Variants in SHLD2 observed in about 807,000 individuals in gnomAD.
SHLD2 encodes RINN1-REV7-interacting novel NHEJ regulator 2.
Under a neutral mutation model 73.2 loss-of-function variants are expected in SHLD2, and 30 were observed. The ratio of observed to expected loss-of-function variants is 0.41; its 90% CI spans 0.31 to 0.56. The LOEUF (loss-of-function observed/expected upper bound fraction) is 0.56, where lower values mean the gene tolerates loss of function less well. SHLD2 is among the 20% of genes least tolerant of loss of function. The pLI, the probability that SHLD2 is intolerant of heterozygous loss-of-function variation, is 0.28. For missense variants in SHLD2, 745 were observed against 1,055.9 expected (o/e 0.71, Z 4.08); for synonymous variants, 285 against 370.1 (o/e 0.77, Z 2.64).
At chr10:87,096,725 T>A (rs1243213625) in intron 1 of SHLD2, among the ~76,000 whole-genome samples, 1 of 152,252 alleles carries the variant, frequency 6.6e-6, no homozygotes, top group East Asian at 1.9e-4. Context: ...TATGTTCATG[T>A]TATTCATCTT....
In SHLD2 at chr10:87,190,645, C is replaced by G. The variant is rs768796069; in HGVS notation, c.2677C>G (p.Pro893Ala). The G allele has an allele frequency of 3.7e-6, 6 of 1,611,928 alleles. No homozygotes were observed. Among genetic ancestry groups the G allele is most frequent in the Non-Finnish European group, 5.1e-6 (6 of 1,179,824 alleles). ...AGATTTCTCCCTCCTGGATTTTTAT[C>G]CTGACATTGTAAAGCATGGAGCCAA... ...QQDFSLLDFY[P>A]DIVKHGANAR... The change falls in exon 10 of 10, where the codon CCT (proline) becomes GCT (alanine). Residue 893 changes from proline to alanine, a missense_variant. This residue lies in a region of SHLD2 where 418 missense variants were observed against 567.8 expected (regional missense o/e 0.74). Transcript: ENST00000298786.
intron 2 of SHLD2, among the ~76,000 whole-genome samples, chr10:87,147,876 T>C (rs1298716565): frequency 6.6e-6 from 1 of 151,962 alleles, no homozygotes; most frequent in East Asian, 1.9e-4. Flanking sequence ...ATCACTTTTT[T>C]TTTTTTTTTG....
intron 6 of SHLD2, among the ~76,000 whole-genome samples, chr10:87,172,624 C>T (rs994942255): frequency 5.9e-5 from 9 of 151,762 alleles, no homozygotes; most frequent in African/African-American, 1.9e-4. Flanking sequence ...GGGTGGATTG[C>T]TTGAGCCCAG....
intron 2 of SHLD2, among the ~76,000 whole-genome samples, chr10:87,137,509 G>A (rs1372799079): frequency 6.6e-6 from 1 of 151,922 alleles, no homozygotes. Context: ...AAGACAGATT[G>A]GAAAGAGAAA....
At chr10:87,095,344 C>T (rs1009851606) in intron 1 of SHLD2, 96 bp downstream of exon 1, 3 of 151,886 alleles carry the variant, frequency 2.0e-5, no homozygotes, top group East Asian at 2.0e-4. Flanking sequence ...GAGGCCGAGT[C>T]CCCCCGAGCG....
intron 2 of SHLD2, among the ~76,000 whole-genome samples, chr10:87,134,807 A>G (rs554129915): frequency 7.2e-5 from 11 of 152,272 alleles, no homozygotes; most frequent in Non-Finnish European, 1.6e-4. Context: ...ACAGGGCAGA[A>G]GAGGTGAGTG....
intron 2 of SHLD2, among the ~76,000 whole-genome samples, chr10:87,142,023 T>A: frequency 7.8e-6 from 1 of 128,728 alleles, no homozygotes; most frequent in African/African-American, 2.8e-5. Context: ...AGAGCAAGAC[T>A]CCATCTCAAA....
chr10:87,094,945 G>C (rs1367761556), upstream of SHLD2: 1 of 320,114 alleles, frequency 3.1e-6, no homozygotes, highest in Non-Finnish European at 5.6e-6. This position sits in a 1 kb window ranked among gnomAD's most constrained non-coding sequence, Gnocchi z 6.6. Flanking sequence ...GACGGACTTC[G>C]GGGACAGGGC....
chr10:87,141,338 T>G (rs1157336933), intron 2 of SHLD2, among the ~76,000 whole-genome samples: 14 of 63,210 alleles, frequency 2.2e-4, no homozygotes, highest in Non-Finnish European at 3.7e-4. Context: ...GTGTTCGGTG[T>G]TTTTTTTTTT....
chr10:87,112,277 C>T (rs1291278939), intron 2 of SHLD2, among the ~76,000 whole-genome samples: 1 of 148,448 alleles, frequency 6.7e-6, no homozygotes, highest in African/African-American at 2.5e-5. Context: ...AGAGATATGT[C>T]TCCAAAGAAA....
intron 4 of SHLD2, among the ~76,000 whole-genome samples, chr10:87,160,084 A>G (rs1346900363): frequency 2.6e-5 from 4 of 152,046 alleles, no homozygotes; most frequent in Non-Finnish European, 5.9e-5. Flanking sequence ...GCTTCTCCCA[A>G]TGGTGATATC....
intron 2 of SHLD2, among the ~76,000 whole-genome samples, chr10:87,147,809 C>T (rs1169306352): frequency 2.0e-5 from 3 of 152,074 alleles, no homozygotes; most frequent in East Asian, 3.9e-4. Context: ...TTGAACTGCC[C>T]CAGGCTTCTC....
In SHLD2 at chr10:87,166,950, A is replaced by AGTGTGTGT. The variant is rs10602407; in HGVS notation, c.1634-3503_1634-3496dup. Among the ~76,000 whole-genome samples, 407 of 126,292 alleles carry AGTGTGTGT rather than the reference A, an allele frequency of 3.2e-3. 2 individuals carry two copies. Among genetic ancestry groups the AGTGTGTGT allele is most frequent in the African/African-American group, 6.2e-3 (228 of 36,636 alleles). The allele number at this position is 126,292 out of a possible 152,430, so 82.9% of individuals were successfully genotyped here. Reference sequence around the variant, plus strand: ...TATTTGAAGGTGTTACATTTTGGAAAGTGTGTGTGTGTGTGTGTGTGTGTG... The same window carrying AGTGTGTGT: ...TATTTGAAGGTGTTACATTTTGGAAAGTGTGTGTGTGTGTGTGTGTGTGTGTGTGTGTG... On this transcript the variant is annotated intron_variant, in intron 4 of 9. Transcript: ENST00000298786.
At chr10:87,127,108 C>T (rs914086065) in intron 2 of SHLD2, among the ~76,000 whole-genome samples, 5 of 151,932 alleles carry the variant, frequency 3.3e-5, no homozygotes, top group African/African-American at 1.2e-4. Context: ...AATTGTTCTA[C>T]TCTATGGATT....
At chr10:87,097,855 G>A (rs1046403612) in intron 2 of SHLD2, among the ~76,000 whole-genome samples, 5 of 151,960 alleles carry the variant, frequency 3.3e-5, no homozygotes, top group Non-Finnish European at 7.4e-5. Context: ...TGCCTCCCAG[G>A]TTCCAGTGAT....
Position 87,176,033 on chromosome 10 carries a change from A to G in SHLD2, c.2108A>G (p.Lys703Arg), listed in dbSNP as rs1165799188. The change falls in exon 7 of 10, where the codon AAA becomes AGA. Residue 703 changes from lysine to arginine, a missense_variant. Physicochemically the swap from Lys to Arg is conservative, Grantham distance 26 (BLOSUM62 2). Coordinates refer to ENST00000298786, the MANE Select transcript of SHLD2 (RefSeq NM_001330112.2). ...ATTACATTTAAAGCAAAATTTCAAA[A>G]AAGTGCACCCTCCTTTGTGAAGATA... ...RAITFKAKFQ[K>R]SAPSFVKISD... The G allele has an allele frequency of 6.5e-6, 10 of 1,548,568 alleles. No homozygotes were observed. The Admixed American group carries it at 1.8e-4, about 27-fold the overall frequency.
At chr10:87,166,535 G>T (rs1267946571) in intron 4 of SHLD2, among the ~76,000 whole-genome samples, 1 of 152,198 alleles carries the variant, frequency 6.6e-6, no homozygotes, top group Admixed American at 6.5e-5. Context: ...ACATTGTGAA[G>T]ATTTCAGTTC....
At chr10:87,174,549 T>A (rs534832540) in intron 6 of SHLD2, among the ~76,000 whole-genome samples, 135 of 148,438 alleles carry the variant, frequency 9.1e-4, no homozygotes, top group African/African-American at 3.3e-3. Context: ...TTTACTGAGA[T>A]GTTTGATGAT....
chr10:87,120,611 GTTTC>G (rs1390245286), intron 2 of SHLD2, among the ~76,000 whole-genome samples: 1 of 152,126 alleles, frequency 6.6e-6, no homozygotes, highest in East Asian at 1.9e-4. Context: ...GCCATTGCAT[GTTTC>G]TTCCAGACAT....
Sources: gnomAD v4.1 joint callset for allele counts (sites outside exome capture counted in the v4.1 genomes callset) on GRCh38, gnomAD v4.1.1 for gene constraint, gnomAD v4.1.1 regional missense constraint, Gnocchi (gnomAD v3.1) non-coding constraint, MANE v1.5 for transcripts, NCBI Gene and HGNC (gene_info 2026-07-23, HGNC 2026-07-21) for gene names.